The following COX15 variants were observed in gnomAD, a reference collection of about 807,000 sequenced individuals.
COX15 encodes cytochrome c oxidase assembly factor COX15.
COX15 carries 51 observed loss-of-function variants against 51.9 expected under a neutral mutation model. That is an observed-to-expected ratio of 0.98 (90% confidence interval 0.78 to 1.24). The LOEUF (loss-of-function observed/expected upper bound fraction) is 1.24, where lower values mean the gene tolerates loss of function less well. COX15 is among the 50% of genes most tolerant of loss of function. COX15 has a pLI of 0.00. For synonymous variants in COX15, 188 were observed against 190.5 expected (o/e 0.99, Z 0.11); for missense variants, 420 against 501.1 (o/e 0.84, Z 1.55).
intron 7 of COX15, among the ~76,000 whole-genome samples, chr10:99,717,816 C>T (rs2036623106): frequency 6.6e-6 from 1 of 152,212 alleles, no homozygotes; most frequent in Admixed American, 6.5e-5. Context: ...AGTCTCCTTA[C>T]TGCTCATCTT....
the COX15 span, chr10:99,698,840 A>G: frequency 6.2e-7 from 1 of 1,604,320 alleles, no homozygotes; most frequent in Non-Finnish European, 8.5e-7. Flanking sequence ...ATGGGCCAAC[A>G]TTTGCCAAGG....
At position 99,716,428 on chromosome 10, in the gene COX15, A is replaced by G. The variant is rs746427102; in HGVS notation, c.1021T>C (p.Tyr341His). The change falls in exon 8 of 9, where the codon TAC (tyrosine) becomes CAC (histidine). Residue 341 changes from tyrosine to histidine, a missense_variant. Transcript: ENST00000016171. ...AGGGGAATTCTCCGAGAGAGGAAGT[A>G]GAGCACTGTAATGGCAGTGACTGAA... is the stretch of plus-strand genomic sequence containing the variant. The part of the protein sequence containing the change: ...ITSVTAITVL[Y>H]FLSRRIPLPR... The G allele has an allele frequency of 2.6e-5, 42 of 1,613,810 alleles. No homozygotes were observed. The highest frequency in any genetic ancestry group is 3.5e-5 in the Non-Finnish European group (41 of 1,179,864).
chr10:99,728,155 G>A (rs553058088), intron 2 of COX15, among the ~76,000 whole-genome samples: 2 of 152,274 alleles, frequency 1.3e-5, no homozygotes, highest in East Asian at 3.9e-4. Flanking sequence ...GGCAAGAAAT[G>A]CACAAGATGA....
intron 2 of COX15, among the ~76,000 whole-genome samples, chr10:99,728,318 C>T (rs1180635813): frequency 5.3e-5 from 8 of 152,108 alleles, no homozygotes; most frequent in African/African-American, 1.2e-4. Flanking sequence ...CACAACGGAC[C>T]GAAACATTAT....
chr10:99,714,103 A>T lies in COX15; in HGVS notation c.*484T>A. 9.8e-7 allele frequency: 1 copy of T among 1,016,374 alleles called. No homozygotes were observed. Among genetic ancestry groups the T allele is most frequent in the South Asian group, 4.0e-5 (1 of 25,288 alleles). The allele number at this position is 1,016,374 out of a possible 1,614,324, so 63.0% of individuals were successfully genotyped here. A position where few individuals can be genotyped will look rare whatever the true frequency, so the allele number is the denominator to read the frequency against. On this transcript the variant is annotated 3_prime_UTR_variant, in exon 9 of 9. Coordinates refer to ENST00000016171, the MANE Select transcript of COX15 (RefSeq NM_078470.6). The stretch of plus-strand genomic sequence containing the variant: ...CCCCATTTCTGAAAATCAGGATATT[A>T]GAAGACATTAGCTTTTTTTTTTTTG...
At chr10:99,698,830 A>G in the COX15 span, 2 of 1,606,166 alleles carry the variant, frequency 1.2e-6, no homozygotes, top group Non-Finnish European at 1.7e-6. Flanking sequence ...GGCCGCTACC[A>G]TGGGCCAACA....
chr10:99,698,497 G>GTGTTTGTT, the COX15 span: 14 of 1,563,358 alleles, frequency 9.0e-6, no homozygotes, highest in Admixed American at 6.8e-5. Flanking sequence ...CAGGCATGAC[G>GTGTTTGTT]TGTTTGTTTG....
chr10:99,718,719 T>C (rs758656062), intron 6 of COX15, among the ~76,000 whole-genome samples: 2 of 152,158 alleles, frequency 1.3e-5, no homozygotes, highest in Non-Finnish European at 2.9e-5. Context: ...CACCCCAAGA[T>C]TCTGCTTCCT....
chr10:99,715,252 C>A (rs2036529586), intron 8 of COX15, among the ~76,000 whole-genome samples: 1 of 152,166 alleles, frequency 6.6e-6, no homozygotes, highest in South Asian at 2.1e-4. Flanking sequence ...ATTCTCCTGC[C>A]TCAGCCTCCC....
chr10:99,699,701 A>C, the COX15 span, among the ~76,000 whole-genome samples: 2 of 152,110 alleles, frequency 1.3e-5, no homozygotes, highest in Non-Finnish European at 2.9e-5. Flanking sequence ...AGTAGCTGGG[A>C]TTACAGATGC....
chr10:99,696,469 G>A, the COX15 span, among the ~76,000 whole-genome samples: 1 of 152,230 alleles, frequency 6.6e-6, no homozygotes. Flanking sequence ...CTTCTGCATG[G>A]AAGTGTTCAA....
chr10:99,729,819 G>A, intron 1 of COX15, 85 bp from the exon 2 acceptor site: 1 of 1,304,618 alleles, frequency 7.7e-7, no homozygotes, highest in Non-Finnish European at 1.1e-6. Flanking sequence ...TTAGCGCGAA[G>A]TACCATAGCA....
downstream of COX15, chr10:99,709,041 A>G (rs2036306731): frequency 5.1e-6 from 5 of 983,316 alleles, no homozygotes; most frequent in Non-Finnish European, 6.0e-6. Context: ...CACTACATCT[A>G]TTCTTGTTCC....
Position 99,714,446 on chromosome 10 carries a change from C to T in COX15, c.*141G>A. ...TCTTGATCCAGTGACTATCTCAAAA[C>T]AGGAAAAGATTTTTAAGTAAGTTGA... On this transcript the variant is annotated 3_prime_UTR_variant, in exon 9 of 9. Transcript: ENST00000016171. 2.0e-6 allele frequency: 3 copies of T among 1,527,954 alleles called. No homozygotes were observed. The highest frequency in any genetic ancestry group is 2.4e-5 in the South Asian group (2 of 82,976). 94.6% of individuals were successfully genotyped at this position (1,527,954 alleles called of 1,614,324 possible). A position where few individuals can be genotyped will look rare whatever the true frequency, so the allele number is the denominator to read the frequency against.
Position 99,732,088 on chromosome 10 carries a change from G to A in COX15, c.-39C>T, listed in dbSNP as rs751710852. On this transcript the variant is annotated 5_prime_UTR_variant, in exon 1 of 9. Coordinates refer to ENST00000016171, the MANE Select transcript of COX15 (RefSeq NM_078470.6). ...AACAGCCACCTCTTCCACAACCCAG[G>A]GCTCTGTGGTCTCCCTCCTCCGCCA... The A allele has an allele frequency of 5.6e-6, 9 of 1,598,094 alleles. No individual in the cohort carries two copies. Among genetic ancestry groups the A allele is most frequent in the African/African-American group, 2.7e-5 (2 of 74,644 alleles).
chr10:99,696,209 A>C, the COX15 span: 1 of 1,476,988 alleles, frequency 6.8e-7, no homozygotes, highest in Non-Finnish European at 9.2e-7. Context: ...CCTAAGACAG[A>C]TAAGTCCCTG....
the COX15 span, chr10:99,705,462 T>C: frequency 1.3e-5 from 2 of 152,254 alleles, no homozygotes; most frequent in African/African-American, 4.8e-5. Context: ...AGTGTGTTAG[T>C]AGGATGGAGA....
At chr10:99,718,781 T>A (rs1288984579) in intron 6 of COX15, among the ~76,000 whole-genome samples, 1 of 152,184 alleles carries the variant, frequency 6.6e-6, no homozygotes, top group South Asian at 2.1e-4. Context: ...AGAGGCTTAT[T>A]AGCTTAGAAA....
chr10:99,728,812 T>C (rs886647340), intron 2 of COX15, among the ~76,000 whole-genome samples: 2 of 152,196 alleles, frequency 1.3e-5, no homozygotes, highest in African/African-American at 2.4e-5. Flanking sequence ...TGACTAGAGT[T>C]TCCTCAGCAA....
Sources: allele counts gnomAD v4.1 joint callset (sites outside exome capture counted in the v4.1 genomes callset), GRCh38; gene constraint gnomAD v4.1.1; transcripts MANE v1.5; gene names NCBI Gene and HGNC (gene_info 2026-07-23, HGNC 2026-07-21).